Variants in ANKS1B observed in about 807,000 individuals in gnomAD.
ANKS1B encodes ankyrin repeat and sterile alpha motif domain containing 1B.
Under a neutral mutation model 148.3 loss-of-function variants are expected in ANKS1B, and 36 were observed. The ratio of observed to expected loss-of-function variants is 0.24; its 90% CI spans 0.19 to 0.32. The LOEUF is 0.32. ANKS1B is among the 10% of genes least tolerant of loss of function. The probability of loss-of-function intolerance (pLI) is 1.00; values close to 1 mark genes in which losing one functional copy is unlikely to be tolerated. For missense variants in ANKS1B, 1,157 were observed against 1,542.6 expected (o/e 0.75, Z 4.19); for synonymous variants, 542 against 560.8 (o/e 0.97, Z 0.47).
At position 98,744,423 on chromosome 12, in the gene ANKS1B, A is replaced by T; in HGVS notation, c.*1316T>A. 1.2e-6 allele frequency: 1 copy of T among 846,348 alleles called. No homozygotes were observed. The highest frequency in any genetic ancestry group is 1.4e-6 in the Non-Finnish European group (1 of 702,876). The allele number at this position is 846,348 out of a possible 1,614,324, so 52.4% of individuals were successfully genotyped here. A position where few individuals can be genotyped will look rare whatever the true frequency, so the allele number is the denominator to read the frequency against. Reference sequence around the variant, plus strand: ...ACAATTTATCAATATCGCTATAATGAACTTCAAAATGATTCACAATATGAT... The same window carrying T: ...ACAATTTATCAATATCGCTATAATGTACTTCAAAATGATTCACAATATGAT... On this transcript the variant is annotated 3_prime_UTR_variant, in exon 27 of 27. Transcript: ENST00000683438.
chr12:98,969,490 C>CA (rs2099881378), intron 17 of ANKS1B, among the ~76,000 whole-genome samples: 1 of 151,870 alleles, frequency 6.6e-6, no homozygotes, highest in Admixed American at 6.6e-5. Flanking sequence ...ACATGCTGTG[C>CA]AAAAATTATA....
At chr12:98,935,981 A>G (rs189737310) in intron 17 of ANKS1B, among the ~76,000 whole-genome samples, 2 of 152,364 alleles carry the variant, frequency 1.3e-5, no homozygotes, top group Admixed American at 1.3e-4. Context: ...AAGAAGCAAG[A>G]ATTTCTTTCG....
At chr12:99,364,033 G>T (rs1458831320) in intron 12 of ANKS1B, among the ~76,000 whole-genome samples, 1 of 152,098 alleles carries the variant, frequency 6.6e-6, no homozygotes, top group Admixed American at 6.5e-5. Flanking sequence ...GGTCTTAAAT[G>T]AATATCTCTC....
intron 1 of ANKS1B, among the ~76,000 whole-genome samples, chr12:99,953,859 A>G (rs914713705): frequency 6.6e-6 from 1 of 152,202 alleles, no homozygotes; most frequent in East Asian, 1.9e-4. Flanking sequence ...AAATGTCCTC[A>G]AGCTCAGTTA....
At chr12:99,934,287 G>C (rs2094701006) in intron 1 of ANKS1B, among the ~76,000 whole-genome samples, 1 of 152,120 alleles carries the variant, frequency 6.6e-6, no homozygotes, top group African/African-American at 2.4e-5. Flanking sequence ...TGACCTTGCA[G>C]AATGAACCTG....
intron 17 of ANKS1B, among the ~76,000 whole-genome samples, chr12:98,942,468 G>A (rs1429965060): frequency 1.3e-5 from 2 of 152,116 alleles, no homozygotes; most frequent in African/African-American, 2.4e-5. Context: ...CAAAGGGGAT[G>A]GCTTTCTCCG....
intron 17 of ANKS1B, among the ~76,000 whole-genome samples, chr12:98,874,976 T>G (rs1192921719): frequency 3.3e-5 from 5 of 152,258 alleles, no homozygotes; most frequent in Non-Finnish European, 5.9e-5. Context: ...TTATAAATTT[T>G]AACCTTCAAG....
Position 99,932,786 on chromosome 12 carries a change from T to C in ANKS1B, c.134+51318A>G, listed in dbSNP as rs540171128. 1.9e-3 allele frequency among the ~76,000 whole-genome samples: 285 copies of C among 152,298 alleles called. 2 individuals are homozygous for C. The highest frequency in any genetic ancestry group is 7.2e-3 in the Admixed American group (110 of 15,294). On this transcript the variant is annotated intron_variant, in intron 1 of 26. Coordinates refer to ENST00000683438, the MANE Select transcript of ANKS1B (RefSeq NM_001352186.2). ...TTTTAACTTGATGTGATCCCATTTG[T>C]CCATGTTTGCTTTGGTTGCCTGTGC...
At chr12:99,694,606 T>G (rs938201026) in intron 8 of ANKS1B, among the ~76,000 whole-genome samples, 6 of 152,084 alleles carry the variant, frequency 3.9e-5, no homozygotes, top group Admixed American at 2.0e-4. Context: ...TGTAATATCT[T>G]AAAATAATAA....
At chr12:99,447,057 C>G (rs1245161256) in intron 10 of ANKS1B, among the ~76,000 whole-genome samples, 1 of 151,982 alleles carries the variant, frequency 6.6e-6, no homozygotes, top group Non-Finnish European at 1.5e-5. Context: ...CATTACACTA[C>G]CTGACTTCAA....
At chr12:99,012,416 C>A (rs2099939997) in intron 17 of ANKS1B, among the ~76,000 whole-genome samples, 1 of 152,182 alleles carries the variant, frequency 6.6e-6, no homozygotes. Flanking sequence ...TATAGTTTCA[C>A]TACTGCAATT....
intron 9 of ANKS1B, among the ~76,000 whole-genome samples, chr12:99,556,411 G>C (rs1237208801): frequency 6.6e-6 from 1 of 151,700 alleles, no homozygotes; most frequent in Non-Finnish European, 1.5e-5. Context: ...TTTTTTTGGG[G>C]GGGAGCATGG....
chr12:99,666,580 C>T (rs903189585), intron 8 of ANKS1B, among the ~76,000 whole-genome samples: 1 of 151,544 alleles, frequency 6.6e-6, no homozygotes, highest in African/African-American at 2.4e-5. Context: ...CTTTAATTTC[C>T]ATCAACAATA....
chr12:99,779,978 A>G lies in ANKS1B; in HGVS notation c.746-6T>C. On this transcript the variant is annotated splice_region_variant and splice_polypyrimidine_tract_variant and intron_variant, in intron 5 of 26. Coordinates refer to ENST00000683438, the MANE Select transcript of ANKS1B (RefSeq NM_001352186.2). Reference sequence around the variant, plus strand: ...CTTTATGTTGGCATCAATTCCTGAAAGAAAAAGAAAAACTCACTAGATATA... The same window carrying G: ...CTTTATGTTGGCATCAATTCCTGAAGGAAAAAGAAAAACTCACTAGATATA... 6.3e-7 allele frequency: 1 copy of G among 1,595,642 alleles called. No individual in the cohort carries two copies. Among genetic ancestry groups the G allele is most frequent in the Non-Finnish European group, 8.6e-7 (1 of 1,167,382 alleles).
chr12:99,741,371 T>G (rs2060096974), intron 8 of ANKS1B, among the ~76,000 whole-genome samples: 1 of 152,060 alleles, frequency 6.6e-6, no homozygotes, highest in Non-Finnish European at 1.5e-5. Context: ...GAAATACCAT[T>G]TGACCCAGCA....
rs557317346 is a variant in ANKS1B at position 99,189,778 on chromosome 12, C to T, written c.2420-35383G>A. Among the ~76,000 whole-genome samples, 4 of 152,242 alleles carry T rather than the reference C, an allele frequency of 2.6e-5. No individual in the cohort carries two copies. In the East Asian group the frequency reaches 7.7e-4, roughly 29 times the overall value. ...TGGAAGCATTCCCTTAGAAAATGGG[C>T]ACAAGAGAAGGATGCCCTCTCTCAC... On this transcript the variant is annotated intron_variant, in intron 14 of 26. Transcript: ENST00000683438.
chr12:99,817,546 A>T (rs2153673136), intron 2 of ANKS1B, among the ~76,000 whole-genome samples: 1 of 151,662 alleles, frequency 6.6e-6, no homozygotes, highest in Non-Finnish European at 1.5e-5. Flanking sequence ...GGCATTGTGA[A>T]ATCATATAGT....
At chr12:99,153,284 T>C (rs2075407772) in intron 15 of ANKS1B, among the ~76,000 whole-genome samples, 1 of 152,160 alleles carries the variant, frequency 6.6e-6, no homozygotes, top group Admixed American at 6.6e-5. Context: ...TCATTTCTGG[T>C]ACTAGTAAGC....
At chr12:98,924,105 G>C (rs1458632049) in intron 17 of ANKS1B, among the ~76,000 whole-genome samples, 1 of 152,146 alleles carries the variant, frequency 6.6e-6, no homozygotes, top group African/African-American at 2.4e-5. Flanking sequence ...TCTTCCCTCA[G>C]GATAGGAGAA....
Sources: allele counts gnomAD v4.1 joint callset (sites outside exome capture counted in the v4.1 genomes callset), GRCh38; gene constraint gnomAD v4.1.1; transcripts MANE v1.5; gene names NCBI Gene and HGNC (gene_info 2026-07-23, HGNC 2026-07-21).